IQCB1: variants seen among roughly 807,000 people sequenced by gnomAD.
IQCB1 encodes IQ calmodulin-binding motif-containing protein 1.
A neutral mutation model predicts 84.4 loss-of-function variants in IQCB1; 56 were observed. The ratio of observed to expected loss-of-function variants is 0.66; its 90% CI spans 0.54 to 0.83. IQCB1 has a LOEUF of 0.83. Ranked by LOEUF, IQCB1 falls within the 40% of genes least tolerant of loss-of-function variation. IQCB1 has a pLI of 0.00. For missense variants in IQCB1, 629 were observed against 682.1 expected (o/e 0.92, Z 0.87); for synonymous variants, 210 against 234.8 (o/e 0.89, Z 0.96).
At chr3:121,777,881 T>C (rs1331893239) in intron 13 of IQCB1, among the ~76,000 whole-genome samples, 1 of 152,066 alleles carries the variant, frequency 6.6e-6, no homozygotes, top group African/African-American at 2.4e-5. Context: ...TGACCACTTG[T>C]ATATACGTCT....
At chr3:121,791,704 A>G (rs1403865490) in intron 10 of IQCB1, among the ~76,000 whole-genome samples, 7 of 152,226 alleles carry the variant, frequency 4.6e-5, no homozygotes, top group Non-Finnish European at 1.0e-4. Flanking sequence ...GTTATACAGC[A>G]TGCAGATAAT....
At chr3:121,810,068 C>T (rs1219033379) in intron 5 of IQCB1, among the ~76,000 whole-genome samples, 1 of 152,026 alleles carries the variant, frequency 6.6e-6, no homozygotes, top group Non-Finnish European at 1.5e-5. Context: ...TGGTAATTCT[C>T]ATTGTTGTCA....
At chr3:121,779,892 A>G (rs1002580745) in intron 13 of IQCB1, among the ~76,000 whole-genome samples, 4 of 152,154 alleles carry the variant, frequency 2.6e-5, no homozygotes, top group African/African-American at 9.7e-5. Context: ...TCTTCACAAT[A>G]CCCTGTGAAT....
chr3:121,810,645 TTAAA>T (rs1949789968), intron 5 of IQCB1, among the ~76,000 whole-genome samples: 1 of 152,046 alleles, frequency 6.6e-6, no homozygotes, highest in Non-Finnish European at 1.5e-5. Flanking sequence ...AATAGGAATA[TTAAA>T]TAAAGGTGCT....
chr3:121,772,100 G>C (rs1278570894), intron 14 of IQCB1, among the ~76,000 whole-genome samples: 1 of 152,052 alleles, frequency 6.6e-6, no homozygotes, highest in East Asian at 1.9e-4. Flanking sequence ...GCTTGAACGT[G>C]GGAGGCGGAG....
chr3:121,793,516 CAA>C (rs1268972961), intron 10 of IQCB1, among the ~76,000 whole-genome samples: 1 of 152,016 alleles, frequency 6.6e-6, no homozygotes, highest in African/African-American at 2.4e-5. Context: ...ACAAAGGAAG[CAA>C]GAGACATTTG....
At chr3:121,780,143 T>G (rs1283239507) in intron 13 of IQCB1, among the ~76,000 whole-genome samples, 1 of 152,186 alleles carries the variant, frequency 6.6e-6, no homozygotes, top group Non-Finnish European at 1.5e-5. Context: ...GAAGTCTAGT[T>G]CCCTTGGTGT....
At chr3:121,812,554 T>C (rs1450133070) in intron 5 of IQCB1, among the ~76,000 whole-genome samples, 1 of 152,152 alleles carries the variant, frequency 6.6e-6, no homozygotes, top group Non-Finnish European at 1.5e-5. Context: ...CTAACTAGAA[T>C]AACCAGTTTA....
In IQCB1 at chr3:121,781,803, G is replaced by A. The variant is rs1462061967; in HGVS notation, c.1350C>T (p.Leu450=). 2 of 1,613,814 alleles carry A rather than the reference G, an allele frequency of 1.2e-6. No homozygotes were observed. Among genetic ancestry groups the A allele is most frequent in the Non-Finnish European group, 1.7e-6 (2 of 1,179,786 alleles). The change falls in exon 13 of 15, where the codon CTC becomes CTT. Residue 450 remains leucine (L), a synonymous_variant. Coordinates refer to ENST00000310864, the MANE Select transcript of IQCB1 (RefSeq NM_001023570.4). The part of the protein sequence containing the change: ...LFAPWRGLQE[L]TDARRVELKK... The stretch of plus-strand genomic sequence containing the variant: ...TCAGTTCAACTCGGCGTGCATCAGT[G>A]AGTTCTTGGAGTCCTCGCCAAGGAG...
At chr3:121,774,501 T>C (rs1234848686) in intron 13 of IQCB1, among the ~76,000 whole-genome samples, 2 of 152,240 alleles carry the variant, frequency 1.3e-5, no homozygotes, top group Non-Finnish European at 2.9e-5. Context: ...AGTAGCATTA[T>C]TCACAATAGC....
At chr3:121,778,930 T>C (rs1160385124) in intron 13 of IQCB1, among the ~76,000 whole-genome samples, 1 of 151,916 alleles carries the variant, frequency 6.6e-6, no homozygotes, top group Non-Finnish European at 1.5e-5. Context: ...ATCTTCTTGC[T>C]TGCACTGTTC....
rs533882545 is a variant in IQCB1 at position 121,795,946 on chromosome 3, G to A, written c.877-380C>T. Among the ~76,000 whole-genome samples, 18 of 152,178 alleles carry A rather than the reference G, an allele frequency of 1.2e-4. 1 individual carries two copies. Among genetic ancestry groups the A allele is most frequent in the East Asian group, 1.9e-4 (1 of 5,178 alleles). ...TGTTGACCATTGTGGATGGTTGCTC[G>A]AATCTCTGTTTAGTTCTGTAAGCTT... On this transcript the variant is annotated intron_variant, in intron 9 of 14. Transcript: ENST00000310864.
chr3:121,833,621 T>A (rs1708076940), intron 2 of IQCB1, among the ~76,000 whole-genome samples: 1 of 152,214 alleles, frequency 6.6e-6, no homozygotes, highest in South Asian at 2.1e-4. Flanking sequence ...AAAGTATGTT[T>A]ATGTACATGT....
chr3:121,810,886 C>G (rs539927652), intron 5 of IQCB1, among the ~76,000 whole-genome samples: 1 of 152,142 alleles, frequency 6.6e-6, no homozygotes, highest in South Asian at 2.1e-4. Context: ...TTATTTAGTG[C>G]TAACATCCCA....
chr3:121,777,970 T>G (rs1024325661), intron 13 of IQCB1, among the ~76,000 whole-genome samples: 3 of 151,614 alleles, frequency 2.0e-5, no homozygotes, highest in Non-Finnish European at 2.9e-5. Context: ...TGCAGTAGCA[T>G]GAACATGCCT....
At position 121,799,367 on chromosome 3, in the gene IQCB1, A is replaced by G. The variant is rs764055289; in HGVS notation, c.595T>C (p.Leu199=). 6.4e-6 allele frequency: 10 copies of G among 1,558,060 alleles called. No homozygotes were observed. The Admixed American group carries it at 1.4e-4, about 21-fold the overall frequency. Reference sequence around the variant, plus strand: ...AGGGCTTTTCTTCCTATTCTGAGTAAATCACCACTAATAGAACAAAATAAA... The same window carrying G: ...AGGGCTTTTCTTCCTATTCTGAGTAGATCACCACTAATAGAACAAAATAAA... ...QNILQINSGD[L]LRIGRKALYS... Residue 199 remains leucine, a synonymous_variant, in exon 8 of 15, where the codon TTA becomes CTA. Transcript: ENST00000310864.
At chr3:121,790,286 A>C (rs1948914464) in intron 10 of IQCB1, 71 bp from the exon 11 acceptor site, 2 of 1,393,174 alleles carry the variant, frequency 1.4e-6, no homozygotes, top group Admixed American at 3.5e-5. Context: ...CTCACTAGTA[A>C]TCAAATAAAT....
chr3:121,773,263 G>A (rs936786017), intron 13 of IQCB1, among the ~76,000 whole-genome samples: 2 of 137,718 alleles, frequency 1.5e-5, no homozygotes, highest in African/African-American at 2.7e-5. Flanking sequence ...GCAATGAGCC[G>A]AGATTGCGCC....
chr3:121,800,250 T>C (rs979886773), intron 7 of IQCB1, among the ~76,000 whole-genome samples: 1 of 151,992 alleles, frequency 6.6e-6, no homozygotes, highest in Non-Finnish European at 1.5e-5. Context: ...TCCATAAATC[T>C]ATTTTCCTCA....
Sources: allele counts gnomAD v4.1 joint callset (sites outside exome capture counted in the v4.1 genomes callset), GRCh38; gene constraint gnomAD v4.1.1; transcripts MANE v1.5; gene names NCBI Gene and HGNC (gene_info 2026-07-23, HGNC 2026-07-21).